Variants in ATPSCKMT observed in about 807,000 individuals in gnomAD.
The protein encoded by ATPSCKMT is ATP synthase subunit C lysine N-methyltransferase.
ATPSCKMT carries 24 observed loss-of-function variants against 24.3 expected under a neutral mutation model. That is an observed-to-expected ratio of 0.99 (90% confidence interval 0.71 to 1.39). The LOEUF (loss-of-function observed/expected upper bound fraction) is 1.39, where lower values mean the gene tolerates loss of function less well. ATPSCKMT is among the 40% of genes most tolerant of loss of function. The pLI, the probability that ATPSCKMT is intolerant of heterozygous loss-of-function variation, is 0.00. For synonymous variants in ATPSCKMT, 95 were observed against 110.5 expected (o/e 0.86, Z 0.88); for missense variants, 311 against 298.4 (o/e 1.04, Z -0.31).
intron 1 of ATPSCKMT, among the ~76,000 whole-genome samples, chr5:10,243,481 G>GAA (rs200479071): frequency 1.3e-4 from 19 of 143,760 alleles, no homozygotes; most frequent in Admixed American, 3.4e-4. Flanking sequence ...CGTCTCAAAA[G>GAA]AAAAAAAAAA....
chr5:10,246,940 A>G (rs1350154697), intron 1 of ATPSCKMT, among the ~76,000 whole-genome samples: 5 of 152,192 alleles, frequency 3.3e-5, no homozygotes, highest in African/African-American at 1.2e-4. Flanking sequence ...CAGAGAGAAT[A>G]TTTGAGCTGG....
Position 10,239,306 on chromosome 5 carries a change from G to A in ATPSCKMT, c.67C>T (p.Pro23Ser). 1 of 1,614,192 alleles carries A rather than the reference G, an allele frequency of 6.2e-7. No homozygotes were observed. Among genetic ancestry groups the A allele is most frequent in the Non-Finnish European group, 8.5e-7 (1 of 1,180,032 alleles). ...KEESQSRHVL[P>S]ASFEVNSLQK... Reference sequence around the variant, plus strand: ...AAACTGTTGACTTCAAAACTTGCAGGTAGAACATGTCTTGACTGACTTTCT... The same window carrying A: ...AAACTGTTGACTTCAAAACTTGCAGATAGAACATGTCTTGACTGACTTTCT... Residue 23 changes from proline to serine, a missense_variant, in exon 2 of 5, where the codon CCT (proline) becomes TCT (serine). Transcript: ENST00000511437.
intron 4 of ATPSCKMT, among the ~76,000 whole-genome samples, chr5:10,230,567 G>A (rs769362189): frequency 1.3e-4 from 20 of 152,152 alleles, no homozygotes; most frequent in African/African-American, 2.4e-5. Context: ...GATATCATAC[G>A]CAAAGAGAAG....
intron 2 of ATPSCKMT, 83 bp downstream of exon 2, chr5:10,238,982 TAA>T: frequency 6.8e-7 from 1 of 1,472,794 alleles, no homozygotes; most frequent in Non-Finnish European, 9.1e-7. Flanking sequence ...CAGATTTAGT[TAA>T]GTCTTTGTGT....
At position 10,239,383 on chromosome 5, in the gene ATPSCKMT, A is replaced by G. The variant is rs376482914; in HGVS notation, c.17-27T>C. ...TAGATTGAAAGCAAGCAGAAGAGAC[A>G]CATGTAGCACCAAATCTGAAATCCA... On this transcript the variant is annotated intron_variant, in intron 1 of 4. Coordinates refer to ENST00000511437, the MANE Select transcript of ATPSCKMT (RefSeq NM_199133.4). 7.7e-6 allele frequency: 12 copies of G among 1,556,476 alleles called. No homozygotes were observed. The African/African-American group carries it at 1.5e-4, about 20-fold the overall frequency.
At chr5:10,238,431 T>C (rs1032460700) in intron 2 of ATPSCKMT, among the ~76,000 whole-genome samples, 2 of 152,216 alleles carry the variant, frequency 1.3e-5, no homozygotes, top group Admixed American at 1.3e-4. Context: ...AATGCTTCCA[T>C]AGCACCAGCC....
At chr5:10,230,867 G>T (rs1339922282) in intron 4 of ATPSCKMT, among the ~76,000 whole-genome samples, 1 of 152,040 alleles carries the variant, frequency 6.6e-6, no homozygotes, top group Non-Finnish European at 1.5e-5. Flanking sequence ...CCAGGGTCCA[G>T]AGCTCATGCC....
chr5:10,230,215 A>C (rs911233271), intron 4 of ATPSCKMT, among the ~76,000 whole-genome samples: 2 of 152,188 alleles, frequency 1.3e-5, no homozygotes. Context: ...ATAACACAGA[A>C]TAAATTCTAT....
intron 1 of ATPSCKMT, among the ~76,000 whole-genome samples, chr5:10,243,268 A>G (rs985874446): frequency 6.6e-6 from 1 of 152,126 alleles, no homozygotes; most frequent in African/African-American, 2.4e-5. Context: ...GGCGGATCAC[A>G]AGGTCAGGAG....
intron 1 of ATPSCKMT, among the ~76,000 whole-genome samples, chr5:10,246,108 C>A (rs10214402): frequency 0.054 from 8,223 of 152,214 alleles, 406 homozygotes; most frequent in African/African-American, 0.13. Flanking sequence ...CCCTAAGCAA[C>A]CACTAATCTA....
At chr5:10,249,778 C>A (rs1010534832) in intron 1 of ATPSCKMT, 80 bp downstream of exon 1, 9 of 1,522,816 alleles carry the variant, frequency 5.9e-6, no homozygotes, top group East Asian at 2.3e-5. Context: ...ACAGTGGAGA[C>A]CTCAGCTGAC....
At chr5:10,247,670 A>C (rs1240809408) in intron 1 of ATPSCKMT, among the ~76,000 whole-genome samples, 1 of 152,176 alleles carries the variant, frequency 6.6e-6, no homozygotes, top group Non-Finnish European at 1.5e-5. Context: ...GAATATTCAA[A>C]ACTAAAATCA....
intron 3 of ATPSCKMT, 83 bp downstream of exon 3, chr5:10,236,395 A>G: frequency 6.9e-7 from 1 of 1,457,090 alleles, no homozygotes; most frequent in Admixed American, 2.3e-5. Flanking sequence ...CTTTTAATAC[A>G]TTTTTCAGTT....
rs1036725594 is a variant in ATPSCKMT, at chr5:10,244,831, C to T, written c.16+5027G>A. On this transcript the variant is annotated intron_variant, in intron 1 of 4. Transcript: ENST00000511437. ...GCTGAAGCAGGAGGATCGCTTAGGC[C>T]CAGGAGGCTGAGGCTGCAGTGAGCC... 2.6e-5 allele frequency among the ~76,000 whole-genome samples: 4 copies of T among 151,044 alleles called. No homozygotes were observed. The East Asian group carries it at 7.9e-4, about 30-fold the overall frequency.
intron 1 of ATPSCKMT, among the ~76,000 whole-genome samples, chr5:10,241,251 C>T (rs1449332112): frequency 6.6e-6 from 1 of 152,168 alleles, no homozygotes. Context: ...CATGATAACA[C>T]TGGGCCCACA....
chr5:10,236,355 A>C, intron 3 of ATPSCKMT, 123 bp downstream of exon 3: 28 of 1,139,536 alleles, frequency 2.5e-5, no homozygotes, highest in Non-Finnish European at 3.0e-5. Flanking sequence ...TCATTATGCC[A>C]GAATATTCAC....
intron 1 of ATPSCKMT, 194 bp downstream of exon 1, chr5:10,249,664 G>T: frequency 4.7e-6 from 4 of 859,614 alleles, no homozygotes; most frequent in Non-Finnish European, 6.8e-6. Flanking sequence ...CCGCCGACAA[G>T]GATCGCCAGA....
chr5:10,228,814 G>C (rs1296635966), intron 4 of ATPSCKMT, among the ~76,000 whole-genome samples: 1 of 151,968 alleles, frequency 6.6e-6, no homozygotes, highest in East Asian at 1.9e-4. Flanking sequence ...TAATTTTGTA[G>C]AGATGGGGTT....
At chr5:10,237,974 T>A (rs1264518783) in intron 2 of ATPSCKMT, among the ~76,000 whole-genome samples, 1 of 152,230 alleles carries the variant, frequency 6.6e-6, no homozygotes, top group Non-Finnish European at 1.5e-5. Flanking sequence ...CTTGAACTCC[T>A]GACCTCGTGA....
Sources: gnomAD v4.1 joint callset for allele counts (sites outside exome capture counted in the v4.1 genomes callset) on GRCh38, gnomAD v4.1.1 for gene constraint, MANE v1.5 for transcripts, NCBI Gene and HGNC (gene_info 2026-07-23, HGNC 2026-07-21) for gene names.